CASD1: variants seen among roughly 807,000 people sequenced by gnomAD.
CASD1 encodes N-acetylneuraminate (7)9-O-acetyltransferase.
Under a neutral mutation model 100.0 loss-of-function variants are expected in CASD1, and 41 were observed. That is an observed-to-expected ratio of 0.41 (90% confidence interval 0.32 to 0.53). The LOEUF (loss-of-function observed/expected upper bound fraction) is 0.53. Among genes scored for constraint, CASD1 ranks in the 20% least tolerant of loss-of-function variants. The pLI, the probability that CASD1 is intolerant of heterozygous loss-of-function variation, is 0.25. For missense variants in CASD1, 774 were observed against 948.7 expected (o/e 0.82, Z 2.42); for synonymous variants, 321 against 315.6 (o/e 1.02, Z -0.18).
At chr7:94,607,363 C>T in the CASD1 span, among the ~76,000 whole-genome samples, 2 of 152,112 alleles carry the variant, frequency 1.3e-5, no homozygotes, top group Admixed American at 6.5e-5. Flanking sequence ...AAACTACACA[C>T]CACACCAGCA....
At chr7:94,601,807 GCTTGTTGTCCAACACAGC>G in the CASD1 span, among the ~76,000 whole-genome samples, 3 of 152,048 alleles carry the variant, frequency 2.0e-5, no homozygotes, top group Admixed American at 2.0e-4. Flanking sequence ...CACATTGGCG[GCTTGTTGTCCAACACAGC>G]CTTGTGCTTA....
intron 3 of CASD1, among the ~76,000 whole-genome samples, chr7:94,525,198 G>A (rs76743050): frequency 0.015 from 2,321 of 152,204 alleles, 57 homozygotes; most frequent in African/African-American, 0.054. Context: ...GGTTTTGGGC[G>A]TTCGTTTAAT....
At chr7:94,597,964 T>G in the CASD1 span, 126,637 of 163,502 alleles carry the variant, frequency 0.77, 49,920 homozygotes, top group African/African-American at 0.92. Flanking sequence ...CCAAGATCGC[T>G]CCATTGCACT....
chr7:94,545,511 T>C, intron 11 of CASD1, 34 bp from the exon 12 acceptor site: 1 of 1,555,412 alleles, frequency 6.4e-7, no homozygotes, highest in Non-Finnish European at 8.8e-7. Flanking sequence ...AACAATTACT[T>C]AGAATGAAAC....
chr7:94,514,764 T>A (rs545502023), intron 1 of CASD1, among the ~76,000 whole-genome samples: 1 of 152,240 alleles, frequency 6.6e-6, no homozygotes, highest in South Asian at 2.1e-4. Context: ...TAGTCCTGTC[T>A]CTTAGTTTCT....
At chr7:94,549,142 T>G (rs1263601354) in intron 13 of CASD1, among the ~76,000 whole-genome samples, 1 of 151,988 alleles carries the variant, frequency 6.6e-6, no homozygotes, top group African/African-American at 2.4e-5. Flanking sequence ...TATTTTGTAT[T>G]TTTCTGTTTG....
chr7:94,514,626 A>G (rs779361358), intron 1 of CASD1, among the ~76,000 whole-genome samples: 2 of 152,150 alleles, frequency 1.3e-5, no homozygotes, highest in Admixed American at 6.5e-5. Context: ...TCTATCACAG[A>G]AAAATCATGC....
chr7:94,529,247 T>A (rs1411623768), intron 5 of CASD1, among the ~76,000 whole-genome samples: 1 of 152,166 alleles, frequency 6.6e-6, no homozygotes, highest in East Asian at 1.9e-4. Context: ...GGACTGAAAA[T>A]GTATTTATTA....
the CASD1 span, chr7:94,598,926 T>G: frequency 1.2e-6 from 2 of 1,613,948 alleles, no homozygotes; most frequent in Non-Finnish European, 1.7e-6. Flanking sequence ...AGCTCCTTGG[T>G]AGATTTCTGA....
In CASD1 at chr7:94,534,365, G is replaced by A. The variant is rs181600352; in HGVS notation, c.628+563G>A. 6.2e-4 allele frequency among the ~76,000 whole-genome samples: 94 copies of A among 151,650 alleles called. 4 individuals carry two copies. Among genetic ancestry groups the A allele is most frequent in the Admixed American group, 5.5e-3 (84 of 15,226 alleles). On this transcript the variant is annotated intron_variant, in intron 7 of 17. Coordinates refer to ENST00000297273, the MANE Select transcript of CASD1 (RefSeq NM_022900.5). ...GTATGTTTGATAGAGACAGGGTTTCGCTGTGTTTCATAACATTAAAGTCAT... is the reference window on the plus strand; with the variant it reads ...GTATGTTTGATAGAGACAGGGTTTCACTGTGTTTCATAACATTAAAGTCAT...
chr7:94,596,979 AAG>A, the CASD1 span, among the ~76,000 whole-genome samples: 90 of 152,284 alleles, frequency 5.9e-4, no homozygotes, highest in African/African-American at 2.0e-3. Context: ...AAAAAGGGAT[AAG>A]AGGTTGTTAA....
chr7:94,604,413 T>A, the CASD1 span, among the ~76,000 whole-genome samples: 7 of 148,474 alleles, frequency 4.7e-5, no homozygotes, highest in African/African-American at 1.5e-4. Flanking sequence ...AGAATAGCCA[T>A]ACACACACAC....
chr7:94,633,213 G>C, the CASD1 span, among the ~76,000 whole-genome samples: 1 of 151,732 alleles, frequency 6.6e-6, no homozygotes, highest in Non-Finnish European at 1.5e-5. Flanking sequence ...AACTATGGGT[G>C]GTTAAATCCA....
the CASD1 span, among the ~76,000 whole-genome samples, chr7:94,579,614 C>T: frequency 6.6e-6 from 1 of 152,070 alleles, no homozygotes. Flanking sequence ...TGGCAAATAT[C>T]CAACTTCATG....
At chr7:94,619,211 T>C in the CASD1 span, 2 of 350,294 alleles carry the variant, frequency 5.7e-6, no homozygotes, top group Admixed American at 4.5e-5. Flanking sequence ...TTTATAGTTA[T>C]AGAATTTGGC....
chr7:94,600,627 T>C, the CASD1 span: 12 of 1,558,156 alleles, frequency 7.7e-6, no homozygotes, highest in African/African-American at 2.7e-5. Flanking sequence ...AATTATCTTA[T>C]TAGTTTTAAA....
the CASD1 span, among the ~76,000 whole-genome samples, chr7:94,581,623 G>A: frequency 4.7e-4 from 71 of 152,150 alleles, no homozygotes; most frequent in African/African-American, 1.5e-3. Flanking sequence ...AGAACATGTG[G>A]CATTTTGTTT....
At chr7:94,614,148 T>C in the CASD1 span, among the ~76,000 whole-genome samples, 1 of 150,562 alleles carries the variant, frequency 6.6e-6, no homozygotes, top group African/African-American at 2.4e-5. Flanking sequence ...AATGTCATAG[T>C]TCTCATCATT....
intron 1 of CASD1, among the ~76,000 whole-genome samples, chr7:94,513,867 A>T (rs1250677934): frequency 6.6e-6 from 1 of 152,192 alleles, no homozygotes; most frequent in African/African-American, 2.4e-5. Context: ...TAGGCATTTT[A>T]AAATTATTAA....
Sources: gnomAD v4.1 joint callset for allele counts (sites outside exome capture counted in the v4.1 genomes callset) on GRCh38, gnomAD v4.1.1 for gene constraint, MANE v1.5 for transcripts, NCBI Gene and HGNC (gene_info 2026-07-23, HGNC 2026-07-21) for gene names.